MRPS27: variants seen among roughly 807,000 people sequenced by gnomAD.
MRPS27 encodes mitochondrial ribosomal protein S27.
In MRPS27, 43 loss-of-function variants were observed where a neutral mutation model predicts 48.9. The observed-to-expected ratio is 0.88, with a 90% CI of 0.69 to 1.13. The LOEUF is 1.13. MRPS27 is among the 50% of genes most tolerant of loss of function. The probability of loss-of-function intolerance (pLI) is 0.00; values close to 1 mark genes in which losing one functional copy is unlikely to be tolerated. For synonymous variants in MRPS27, 188 were observed against 171.9 expected (o/e 1.09, Z -0.73); for missense variants, 467 against 476.3 (o/e 0.98, Z 0.18).
At chr5:72,252,062 A>G (rs1053391843) in intron 4 of MRPS27, among the ~76,000 whole-genome samples, 6 of 152,202 alleles carry the variant, frequency 3.9e-5, no homozygotes, top group African/African-American at 1.4e-4. Context: ...AACAACAAAT[A>G]TACAATAGTT....
intron 4 of MRPS27, among the ~76,000 whole-genome samples, chr5:72,266,515 T>C (rs1191286699): frequency 6.6e-6 from 1 of 152,156 alleles, no homozygotes; most frequent in African/African-American, 2.4e-5. Flanking sequence ...TAGCTACAGG[T>C]AGAGAAATAA....
chr5:72,239,938 TGA>T lies in MRPS27; in HGVS notation c.282-1812_282-1811del, dbSNP rs151315391. On this transcript the variant is annotated intron_variant, in intron 4 of 10. Coordinates refer to ENST00000261413, the MANE Select transcript of MRPS27 (RefSeq NM_015084.3). ...TTGATTCTTGTTTCTCTGAACAATC[TGA>T]GATTTAACATGAAATGACCAATTAA... is the stretch of plus-strand genomic sequence containing the variant. Among the ~76,000 whole-genome samples, 568 of 152,320 alleles carry T rather than the reference TGA, an allele frequency of 3.7e-3. 1 individual carries two copies. Among genetic ancestry groups the T allele is most frequent in the African/African-American group, 0.013 (552 of 41,582 alleles).
At chr5:72,270,258 A>T (rs1366808174) in intron 4 of MRPS27, among the ~76,000 whole-genome samples, 1 of 149,378 alleles carries the variant, frequency 6.7e-6, no homozygotes, top group African/African-American at 2.4e-5. Flanking sequence ...ACATAGCAAA[A>T]ACTATCATAA....
At chr5:72,298,094 A>T (rs1262043639) in intron 2 of MRPS27, among the ~76,000 whole-genome samples, 1 of 152,228 alleles carries the variant, frequency 6.6e-6, no homozygotes. Context: ...TAAACAGACA[A>T]TCTACAGAAT....
chr5:72,257,315 T>C (rs1282649675), intron 4 of MRPS27, among the ~76,000 whole-genome samples: 3 of 152,202 alleles, frequency 2.0e-5, no homozygotes, highest in East Asian at 3.8e-4. Context: ...AAATCAATAA[T>C]ATAATCCTGC....
At position 72,279,774 on chromosome 5, in the gene MRPS27, CA is replaced by C. The variant is rs201696219; in HGVS notation, c.281+15756del. ...TTTGTTATGTTTTTTGTGTCTTGTT[CA>C]AAAAAAAACAAATCCTTCAGTGTCC... On this transcript the variant is annotated intron_variant, in intron 4 of 10. Coordinates refer to ENST00000261413, the MANE Select transcript of MRPS27 (RefSeq NM_015084.3). 2.7e-5 allele frequency among the ~76,000 whole-genome samples: 4 copies of C among 149,786 alleles called. No homozygotes were observed. In the East Asian group the frequency reaches 7.8e-4, roughly 29 times the overall value.
intron 1 of MRPS27, among the ~76,000 whole-genome samples, chr5:72,319,457 T>C (rs755229016): frequency 6.6e-6 from 1 of 152,044 alleles, no homozygotes; most frequent in Non-Finnish European, 1.5e-5. Context: ...GGGAAAAATG[T>C]TTATCTGACG....
chr5:72,320,238 A>G lies in MRPS27; in HGVS notation c.-17T>C. On this transcript the variant is annotated 5_prime_UTR_variant, in exon 1 of 11. Coordinates refer to ENST00000261413, the MANE Select transcript of MRPS27 (RefSeq NM_015084.3). ...GGCAGCCATCTTGGAGCGTACCAAA[A>G]GGAACAGCCAACGGGTTACGGACAG... 6.2e-7 allele frequency: 1 copy of G among 1,613,924 alleles called. No homozygotes were observed. Among genetic ancestry groups the G allele is most frequent in the Non-Finnish European group, 8.5e-7 (1 of 1,179,868 alleles).
At chr5:72,316,832 C>A (rs1043406782) in intron 1 of MRPS27, among the ~76,000 whole-genome samples, 1 of 151,404 alleles carries the variant, frequency 6.6e-6, no homozygotes, top group Non-Finnish European at 1.5e-5. Context: ...GAGTTCGAGG[C>A]GAGCCTGACC....
At chr5:72,242,851 A>G (rs1368113995) in intron 4 of MRPS27, among the ~76,000 whole-genome samples, 1 of 152,244 alleles carries the variant, frequency 6.6e-6, no homozygotes, top group Non-Finnish European at 1.5e-5. Flanking sequence ...TTTCGGTCTC[A>G]CAAATAAAAA....
At chr5:72,268,821 T>C (rs1231992841) in intron 4 of MRPS27, among the ~76,000 whole-genome samples, 1 of 152,256 alleles carries the variant, frequency 6.6e-6, no homozygotes, top group Admixed American at 6.5e-5. Flanking sequence ...TTTATTTTGA[T>C]GTGATCCACA....
intron 1 of MRPS27, chr5:72,319,926 A>G: frequency 3.4e-6 from 2 of 590,814 alleles, no homozygotes; most frequent in Non-Finnish European, 6.1e-6. Context: ...CTCATGCTAT[A>G]TAACCTTCCA....
At chr5:72,303,396 G>A (rs891015585) in intron 2 of MRPS27, among the ~76,000 whole-genome samples, 6 of 152,132 alleles carry the variant, frequency 3.9e-5, no homozygotes, top group African/African-American at 1.4e-4. Context: ...TACACAGAAT[G>A]CTGCAAAGAT....
intron 4 of MRPS27, among the ~76,000 whole-genome samples, chr5:72,247,969 G>C (rs1392700487): frequency 6.6e-6 from 1 of 152,162 alleles, no homozygotes; most frequent in Non-Finnish European, 1.5e-5. Context: ...CTTATTATTT[G>C]TGAGTCCAAT....
intron 6 of MRPS27, among the ~76,000 whole-genome samples, chr5:72,233,041 G>A (rs1340243870): frequency 6.6e-6 from 1 of 152,098 alleles, no homozygotes; most frequent in Admixed American, 6.6e-5. Flanking sequence ...TGGTCTGACT[G>A]CCCTATTCTC....
chr5:72,242,665 TACACACACACACACACACAC>T (rs57589095), intron 4 of MRPS27, among the ~76,000 whole-genome samples: 4 of 134,288 alleles, frequency 3.0e-5, no homozygotes, highest in East Asian at 4.3e-4. Context: ...AGACCCCGTC[TACACACACACACACACACAC>T]ACACACACAC....
intron 9 of MRPS27, among the ~76,000 whole-genome samples, chr5:72,224,816 G>A (rs1179214751): frequency 2.6e-5 from 4 of 152,140 alleles, no homozygotes; most frequent in Admixed American, 6.5e-5. Flanking sequence ...TCACTTTGAG[G>A]TATATCTCCC....
chr5:72,311,740 C>T (rs376495921), intron 2 of MRPS27, among the ~76,000 whole-genome samples: 2 of 152,210 alleles, frequency 1.3e-5, no homozygotes, highest in African/African-American at 4.8e-5. Flanking sequence ...GAAATAAATT[C>T]GTTTTCTTGA....
chr5:72,278,831 T>G (rs1749456716), intron 4 of MRPS27, among the ~76,000 whole-genome samples: 1 of 152,194 alleles, frequency 6.6e-6, no homozygotes, highest in South Asian at 2.1e-4. Context: ...TGGCTTATTC[T>G]TTCTCACTGT....
Sources: allele counts gnomAD v4.1 joint callset (sites outside exome capture counted in the v4.1 genomes callset), GRCh38; gene constraint gnomAD v4.1.1; transcripts MANE v1.5; gene names NCBI Gene and HGNC (gene_info 2026-07-23, HGNC 2026-07-21).